The following KIAA1191 variants were observed in gnomAD, a reference collection of about 807,000 sequenced individuals.
The protein encoded by KIAA1191 is putative monooxygenase p33MONOX.
A neutral mutation model predicts 31.1 loss-of-function variants in KIAA1191; 22 were observed. That is an observed-to-expected ratio of 0.71 (90% CI 0.51 to 1.01). The LOEUF is 1.01. Ranked by LOEUF, KIAA1191 falls within the 50% of genes least tolerant of loss-of-function variation. The pLI, the probability that KIAA1191 is intolerant of heterozygous loss-of-function variation, is 0.00. For synonymous variants in KIAA1191, 130 were observed against 143.9 expected, an observed-to-expected ratio of 0.90 and a Z score of 0.69; for missense variants, 319 against 388.0, an observed-to-expected ratio of 0.82 and a Z score of 1.49.
In KIAA1191 at chr5:176,355,448, A is replaced by G; in HGVS notation, c.207+123T>C. 1 of 778,920 alleles carries G rather than the reference A, an allele frequency of 1.3e-6. No individual in the cohort carries two copies. The highest frequency in any genetic ancestry group is 2.1e-6 in the Non-Finnish European group (1 of 478,322). 48.3% of individuals were successfully genotyped at this position (778,920 alleles called of 1,614,324 possible). On this transcript the variant is annotated intron_variant, in intron 4 of 8. Coordinates refer to ENST00000298569, the MANE Select transcript of KIAA1191 (RefSeq NM_020444.5). The surrounding 1 kb of genome is among the most constrained non-coding windows in gnomAD (Gnocchi z 4.2). Reference sequence around the variant, plus strand: ...AAAGACAGCTATAACTGAGGCACAGAAAACACATACAGGGAGTGGTTGCTG... The same window carrying G: ...AAAGACAGCTATAACTGAGGCACAGGAAACACATACAGGGAGTGGTTGCTG...
At position 176,355,536 on chromosome 5, in the gene KIAA1191, T is replaced by C; in HGVS notation, c.207+35A>G. 6.3e-7 allele frequency: 1 copy of C among 1,591,844 alleles called. No homozygotes were observed. Among genetic ancestry groups the C allele is most frequent in the Non-Finnish European group, 8.6e-7 (1 of 1,165,436 alleles). On this transcript the variant is annotated intron_variant, in intron 4 of 8. Transcript: ENST00000298569. This position sits in a 1 kb window ranked among gnomAD's most constrained non-coding sequence, Gnocchi z 4.2. The stretch of plus-strand genomic sequence containing the variant: ...TGGAGCAGAGGAAGGACAAAGGGGT[T>C]GCGTATGCCAGAAATGGCCAGCAGG...
rs1425613762 is a variant in KIAA1191 at position 176,355,911 on chromosome 5, C to T, written c.29-162G>A. The stretch of plus-strand genomic sequence containing the variant: ...TCCCATCCAGGAAAGGCAGTGGTAC[C>T]AATCCCTTCCTCTATGCCTGACACC... On this transcript the variant is annotated intron_variant, in intron 3 of 8. Transcript: ENST00000298569. This position sits in a 1 kb window ranked among gnomAD's most constrained non-coding sequence, Gnocchi z 4.2. 1 of 689,786 alleles carries T rather than the reference C, an allele frequency of 1.4e-6. No individual in the cohort carries two copies. Among genetic ancestry groups the T allele is most frequent in the African/African-American group, 1.8e-5 (1 of 55,366 alleles). 42.7% of individuals were successfully genotyped at this position (689,786 alleles called of 1,614,324 possible). A position where few individuals can be genotyped will look rare whatever the true frequency, so the allele number is the denominator to read the frequency against.
intron 5 of KIAA1191, among the ~76,000 whole-genome samples, chr5:176,351,770 AAAAAG>A (rs937284816): frequency 1.3e-4 from 20 of 152,098 alleles, no homozygotes; most frequent in African/African-American, 4.8e-4. Flanking sequence ...AACAAAAAAA[AAAAAG>A]AAGAGAAACC....
chr5:176,357,547 T>G (rs2113507507), intron 3 of KIAA1191, among the ~76,000 whole-genome samples: 1 of 152,344 alleles, frequency 6.6e-6, no homozygotes, highest in South Asian at 2.1e-4. Context: ...TTTTCAAATT[T>G]TCCATTTTCA....
intron 2 of KIAA1191, 50 bp from the exon 3 acceptor site, chr5:176,359,617 G>T: frequency 2.3e-6 from 2 of 875,944 alleles, no homozygotes; most frequent in Non-Finnish European, 3.9e-6. Context: ...CACCAATGCT[G>T]TTCTTCTGGC....
In KIAA1191 at chr5:176,355,975, T is replaced by C. The variant is rs1317042338; in HGVS notation, c.29-226A>G. On this transcript the variant is annotated intron_variant, in intron 3 of 8. Coordinates refer to ENST00000298569, the MANE Select transcript of KIAA1191 (RefSeq NM_020444.5). This position sits in a 1 kb window ranked among gnomAD's most constrained non-coding sequence, Gnocchi z 4.2. ...TTAACCCACTCAGCCGTCCTAATCC[T>C]TTTTTTTTATTATTTGTTTAGAGAC... 4.4e-6 allele frequency: 2 copies of C among 458,094 alleles called. No homozygotes were observed. Among genetic ancestry groups the C allele is most frequent in the Non-Finnish European group, 7.9e-6 (2 of 254,266 alleles). The allele number at this position is 458,094 out of a possible 1,614,324, so 28.4% of individuals were successfully genotyped here.
At chr5:176,359,301 A>C (rs562801410) in intron 3 of KIAA1191, among the ~76,000 whole-genome samples, 180 bp downstream of exon 3, 2 of 152,196 alleles carry the variant, frequency 1.3e-5, no homozygotes, top group Non-Finnish European at 2.9e-5. Context: ...CCTGGGCAAC[A>C]GAGCAAGACT....
intron 4 of KIAA1191, chr5:176,354,485 A>G (rs1012429980): frequency 2.6e-5 from 4 of 152,306 alleles, no homozygotes; most frequent in African/African-American, 9.7e-5. Flanking sequence ...GTCAGAGGGG[A>G]GAGAGTCCCT....
Position 176,355,812 on chromosome 5 carries a change from A to T in KIAA1191, c.29-63T>A. On this transcript the variant is annotated intron_variant, in intron 3 of 8. Transcript: ENST00000298569. This position sits in a 1 kb window ranked among gnomAD's most constrained non-coding sequence, Gnocchi z 4.2. ...CTGGACATACTAGCAGCTTTAAATTAATCTACAGGAAGGAAAGCTCTGAAA... is the reference window on the plus strand; with the variant it reads ...CTGGACATACTAGCAGCTTTAAATTTATCTACAGGAAGGAAAGCTCTGAAA... 1 of 1,486,942 alleles carries T rather than the reference A, an allele frequency of 6.7e-7. No homozygotes were observed. Among genetic ancestry groups the T allele is most frequent in the Non-Finnish European group, 9.4e-7 (1 of 1,066,504 alleles). The allele number at this position is 1,486,942 out of a possible 1,614,324, so 92.1% of individuals were successfully genotyped here.
intron 5 of KIAA1191, 97 bp downstream of exon 5, chr5:176,352,525 G>A (rs1767122390): frequency 1.4e-6 from 2 of 1,390,116 alleles, no homozygotes; most frequent in Admixed American, 2.0e-5. Flanking sequence ...ATAAGGTAAG[G>A]CGAGCGTGTT....
Position 176,359,287 on chromosome 5 carries a change from C to G in KIAA1191, c.28+194G>C, listed in dbSNP as rs1293623790. 5.3e-5 allele frequency among the ~76,000 whole-genome samples: 8 copies of G among 152,090 alleles called. No homozygotes were observed. In the East Asian group the frequency reaches 9.6e-4, roughly 18 times the overall value. ...TGAGCCGAGATTGTGCCGCTGCACT[C>G]CAGCCTGGGCAACAGAGCAAGACTC... On this transcript the variant is annotated intron_variant, in intron 3 of 8. Coordinates refer to ENST00000298569, the MANE Select transcript of KIAA1191 (RefSeq NM_020444.5).
At chr5:176,349,978 C>T (rs1419495190) in intron 6 of KIAA1191, among the ~76,000 whole-genome samples, 1 of 152,162 alleles carries the variant, frequency 6.6e-6, no homozygotes, top group Non-Finnish European at 1.5e-5. Context: ...GAGGAAGAAG[C>T]CAACAGGAAG....
intron 6 of KIAA1191, 114 bp downstream of exon 6, chr5:176,350,499 G>A: frequency 7.6e-7 from 1 of 1,319,408 alleles, no homozygotes; most frequent in Non-Finnish European, 1.0e-6. Context: ...GAGCTCGGGA[G>A]CGAGACTAAC....
intron 3 of KIAA1191, chr5:176,356,283 C>T (rs1194150222): frequency 1.3e-5 from 2 of 157,754 alleles, no homozygotes; most frequent in East Asian, 3.8e-4. Context: ...AATACTAAGG[C>T]TCTCAGTTCG....
intron 4 of KIAA1191, chr5:176,353,496 T>A (rs1767221566): frequency 6.6e-6 from 1 of 152,096 alleles, no homozygotes; most frequent in Non-Finnish European, 1.5e-5. Flanking sequence ...GAGAAGAAAG[T>A]AAGATGGTTG....
rs1054783679 is a variant in KIAA1191, at chr5:176,346,194, A to C, written c.*1406T>G. On this transcript the variant is annotated 3_prime_UTR_variant, in exon 9 of 9. Transcript: ENST00000298569. ...GGCCAGCTTCTTATACAGACAAGGT[A>C]CTATCCAAAACAAAAAGCAGGTATT... The C allele has an allele frequency of 6.6e-6, 1 of 152,250 alleles. No homozygotes were observed. The highest frequency in any genetic ancestry group is 2.4e-5 in the African/African-American group (1 of 41,464). The allele number at this position is 152,250 out of a possible 1,614,324, so 9.4% of individuals were successfully genotyped here. A position where few individuals can be genotyped will look rare whatever the true frequency, so the allele number is the denominator to read the frequency against.
At chr5:176,352,881 G>A in intron 4 of KIAA1191, 133 bp from the exon 5 acceptor site, 1 of 969,004 alleles carries the variant, frequency 1.0e-6, no homozygotes, top group Non-Finnish European at 1.5e-6. Context: ...GAAGGGAGGA[G>A]TTGGTCATCT....
chr5:176,355,511 T>C lies in KIAA1191; in HGVS notation c.207+60A>G. 1.3e-6 allele frequency: 2 copies of C among 1,540,182 alleles called. No individual in the cohort carries two copies. Among genetic ancestry groups the C allele is most frequent in the Non-Finnish European group, 1.8e-6 (2 of 1,129,858 alleles). ...GGCACAGGGAGCCACTGAAGGCTTCTGGAGCAGAGGAAGGACAAAGGGGTT... is the reference window on the plus strand; with the variant it reads ...GGCACAGGGAGCCACTGAAGGCTTCCGGAGCAGAGGAAGGACAAAGGGGTT... On this transcript the variant is annotated intron_variant, in intron 4 of 8. Coordinates refer to ENST00000298569, the MANE Select transcript of KIAA1191 (RefSeq NM_020444.5). The surrounding 1 kb of genome is among the most constrained non-coding windows in gnomAD (Gnocchi z 4.2).
chr5:176,351,586 C>T (rs1767013010), intron 5 of KIAA1191, among the ~76,000 whole-genome samples: 1 of 151,732 alleles, frequency 6.6e-6, no homozygotes, highest in African/African-American at 2.4e-5. Flanking sequence ...AGTGAAACCC[C>T]ATCTCTACTA....
Sources: allele counts gnomAD v4.1 joint callset (sites outside exome capture counted in the v4.1 genomes callset), GRCh38; gene constraint gnomAD v4.1.1; non-coding constraint Gnocchi (gnomAD v3.1); transcripts MANE v1.5; gene names NCBI Gene and HGNC (gene_info 2026-07-23, HGNC 2026-07-21).